Variants in ZDHHC19 observed in about 807,000 individuals in gnomAD.
ZDHHC19 encodes the protein palmitoyltransferase ZDHHC19.
A neutral mutation model predicts 33.9 loss-of-function variants in ZDHHC19; 30 were observed. That is an observed-to-expected ratio of 0.88 (90% confidence interval 0.66 to 1.20). The LOEUF is 1.20. Among genes scored for constraint, ZDHHC19 ranks in the 50% most tolerant of loss-of-function variants. The pLI, the probability that ZDHHC19 is intolerant of heterozygous loss-of-function variation, is 0.00. For synonymous variants in ZDHHC19, 178 were observed against 167.6 expected, an observed-to-expected ratio of 1.06 and a Z score of -0.48; for missense variants, 364 against 401.1, an observed-to-expected ratio of 0.91 and a Z score of 0.79.
rs764460911 is a variant in ZDHHC19, at chr3:196,211,169, C to T, written c.146+1G>A. ...CCTAACGGCTTGCCTGGAAAACTCA[C>T]GGGAATGCGAAGAAGAGGCCACTGA... On this transcript the variant is annotated splice_donor_variant, in intron 1 of 7. Transcript: ENST00000296326. LOFTEE classifies it high-confidence loss of function. The T allele has an allele frequency of 2.2e-5, 35 of 1,614,024 alleles. No homozygotes were observed. The highest frequency in any genetic ancestry group is 3.3e-5 in the Admixed American group (2 of 59,998).
chr3:196,204,110 A>G (rs996025875), intron 5 of ZDHHC19, among the ~76,000 whole-genome samples: 4 of 152,128 alleles, frequency 2.6e-5, no homozygotes, highest in African/African-American at 9.7e-5. Context: ...AAGAAGTGAA[A>G]CTGTCCTTTT....
intron 4 of ZDHHC19, 88 bp downstream of exon 4, chr3:196,208,300 T>A: frequency 2.6e-6 from 3 of 1,172,932 alleles, no homozygotes; most frequent in Non-Finnish European, 2.2e-6. Context: ...GGCTTCTCCC[T>A]CTAGCCCCGC....
chr3:196,209,211 G>C, intron 3 of ZDHHC19, 165 bp downstream of exon 3: 1 of 951,160 alleles, frequency 1.1e-6, no homozygotes, highest in Non-Finnish European at 1.5e-6. Flanking sequence ...AGGTGCAGGT[G>C]GAGAACACAT....
At chr3:196,210,213 G>A (rs1368299164) in intron 2 of ZDHHC19, among the ~76,000 whole-genome samples, 1 of 138,214 alleles carries the variant, frequency 7.2e-6, no homozygotes, top group Non-Finnish European at 1.6e-5. Context: ...AGGAAAGAGA[G>A]AAAGAAAGAA....
At chr3:196,208,732 C>G (rs963703468) in intron 3 of ZDHHC19, 172 bp from the exon 4 acceptor site, 1 of 712,164 alleles carries the variant, frequency 1.4e-6, no homozygotes, top group Non-Finnish European at 2.3e-6. Context: ...GCTGGCATTT[C>G]CCTTGTTAGA....
chr3:196,210,285 AGAAG>A (rs10690372), intron 2 of ZDHHC19, among the ~76,000 whole-genome samples: 14 of 139,678 alleles, frequency 1.0e-4, no homozygotes, highest in Middle Eastern at 3.6e-3. Context: ...AAAGAAAGAA[AGAAG>A]GAAGGAAGGA....
At chr3:196,206,634 T>A (rs1450313785) in intron 5 of ZDHHC19, among the ~76,000 whole-genome samples, 2 of 151,438 alleles carry the variant, frequency 1.3e-5, no homozygotes, top group Non-Finnish European at 2.9e-5. Flanking sequence ...ATTACAGGCA[T>A]GAGCCACGGG....
chr3:196,203,827 G>A lies in ZDHHC19; in HGVS notation c.687+3571C>T, dbSNP rs114267153. Reference sequence around the variant, plus strand: ...GGCGGAGCTGGGGAGTCACAGGTGGGGGAGCCAAATATGGGTGTGGTGGAG... The same window carrying A: ...GGCGGAGCTGGGGAGTCACAGGTGGAGGAGCCAAATATGGGTGTGGTGGAG... On this transcript the variant is annotated intron_variant, in intron 5 of 7. Transcript: ENST00000296326. The surrounding 1 kb of genome is among the most constrained non-coding windows in gnomAD (Gnocchi z 4.3). Among the ~76,000 whole-genome samples, 1,646 of 152,306 alleles carry A rather than the reference G, an allele frequency of 0.011. 41 individuals carry two copies. The highest frequency in any genetic ancestry group is 0.037 in the African/African-American group (1,536 of 41,564).
At chr3:196,208,643 C>T in intron 3 of ZDHHC19, 83 bp from the exon 4 acceptor site, 1 of 1,506,588 alleles carries the variant, frequency 6.6e-7, no homozygotes, top group Non-Finnish European at 9.0e-7. Flanking sequence ...GGCCCTCCCC[C>T]TGCCTTCTAG....
rs191209609 is a variant in ZDHHC19 at position 196,198,205 on chromosome 3, C to A, written c.*19+71G>T. The A allele has an allele frequency of 5.4e-5, 73 of 1,361,524 alleles. 1 individual carries two copies. The highest frequency in any genetic ancestry group is 5.6e-4 in the Middle Eastern group (2 of 3,596). 84.3% of individuals were successfully genotyped at this position (1,361,524 alleles called of 1,614,324 possible). On this transcript the variant is annotated intron_variant, in intron 7 of 7. Coordinates refer to ENST00000296326, the MANE Select transcript of ZDHHC19 (RefSeq NM_001039617.2). ...CAGCCAAACCTCAGGGGCCTCCCCC[C>A]ACACCCTCACAACCTGCAGACACCC...
chr3:196,204,635 A>G (rs1722595134), intron 5 of ZDHHC19, among the ~76,000 whole-genome samples: 1 of 152,254 alleles, frequency 6.6e-6, no homozygotes, highest in Admixed American at 6.5e-5. Flanking sequence ...TTAGGAAAAT[A>G]CAAACTGAAG....
Position 196,200,597 on chromosome 3 carries a change from G to A in ZDHHC19, c.688-1723C>T, listed in dbSNP as rs1028514970. Among the ~76,000 whole-genome samples, 237 of 148,056 alleles carry A rather than the reference G, an allele frequency of 1.6e-3. 2 individuals carry two copies. Among genetic ancestry groups the A allele is most frequent in the African/African-American group, 3.9e-3 (156 of 39,856 alleles). On this transcript the variant is annotated intron_variant, in intron 5 of 7. Coordinates refer to ENST00000296326, the MANE Select transcript of ZDHHC19 (RefSeq NM_001039617.2). Reference sequence around the variant, plus strand: ...TCTCGATCTCCTGACCTCGTGATCCGCCCACCTTGGCCTCCCAAAGTGCTG... The same window carrying A: ...TCTCGATCTCCTGACCTCGTGATCCACCCACCTTGGCCTCCCAAAGTGCTG...
At chr3:196,204,802 T>C (rs1722605936) in intron 5 of ZDHHC19, among the ~76,000 whole-genome samples, 1 of 152,102 alleles carries the variant, frequency 6.6e-6, no homozygotes. Context: ...AATTTGGCAA[T>C]TTATTATGAA....
chr3:196,200,330 ATATATATATATATG>A lies in ZDHHC19; in HGVS notation c.688-1470_688-1457del, dbSNP rs546878761. Among the ~76,000 whole-genome samples the A allele has an allele frequency of 4.9e-4, 38 of 78,092 alleles. 1 individual carries two copies. The highest frequency in any genetic ancestry group is 1.5e-3 in the South Asian group (4 of 2,624). 51.2% of individuals were successfully genotyped at this position (78,092 alleles called of 152,430 possible). On this transcript the variant is annotated intron_variant, in intron 5 of 7. Coordinates refer to ENST00000296326, the MANE Select transcript of ZDHHC19 (RefSeq NM_001039617.2). Reference sequence around the variant, plus strand: ...TGACAGAATTTTAAAATTTAGGGATATATATATATATATGTATATATATATATAATTTTTTTTTT... The same window carrying A: ...TGACAGAATTTTAAAATTTAGGGATATATATATATATATAATTTTTTTTTT...
chr3:196,207,270 G>A, intron 5 of ZDHHC19, 128 bp downstream of exon 5: 1 of 766,930 alleles, frequency 1.3e-6, no homozygotes, highest in South Asian at 1.7e-5. Flanking sequence ...TAAGAGCTGG[G>A]TCTGGAGGGA....
rs371578261 is a variant in ZDHHC19, at chr3:196,198,878, G to C, written c.688-4C>G. On this transcript the variant is annotated splice_polypyrimidine_tract_variant and splice_region_variant and intron_variant, in intron 5 of 7. Transcript: ENST00000296326. ...TGTATCCCTGAAGGTGTCTGCACTGGTCGGGGATGGAAACCGGAAGAGGAG... is the reference window on the plus strand; with the variant it reads ...TGTATCCCTGAAGGTGTCTGCACTGCTCGGGGATGGAAACCGGAAGAGGAG... 51 of 1,613,558 alleles carry C rather than the reference G, an allele frequency of 3.2e-5. No homozygotes were observed. The highest frequency in any genetic ancestry group is 1.7e-4 in the Admixed American group (10 of 59,990).
chr3:196,198,822 C>T lies in ZDHHC19; in HGVS notation c.740G>A (p.Trp247Ter). The T allele has an allele frequency of 6.2e-7, 1 of 1,614,066 alleles. No homozygotes were observed. The highest frequency in any genetic ancestry group is 8.5e-7 in the Non-Finnish European group (1 of 1,179,974). The part of the protein sequence containing the change: ...NPFDQGCASN[W>*]YLTICAPLGP... ...CAGTGGTGCACAAATTGTTAAATACCAGTTGCTGGCACAGCCCTGGTCGAA... is the reference window on the plus strand; with the variant it reads ...CAGTGGTGCACAAATTGTTAAATACTAGTTGCTGGCACAGCCCTGGTCGAA... Residue 247 changes from tryptophan to a stop codon, truncating the protein, a stop_gained, in exon 6 of 8, where the codon TGG (tryptophan) becomes TAG (stop). Transcript: ENST00000296326. LOFTEE classifies it high-confidence loss of function.
intron 2 of ZDHHC19, among the ~76,000 whole-genome samples, chr3:196,210,348 GAA>G (rs1171519262): frequency 2.3e-5 from 3 of 131,190 alleles, no homozygotes; most frequent in Non-Finnish European, 5.0e-5. Flanking sequence ...AAAGAAAAGA[GAA>G]AGAAAGAAAG....
chr3:196,211,109 ATCT>A (rs1723268606), intron 1 of ZDHHC19, 58 bp downstream of exon 1: 8 of 1,612,730 alleles, frequency 5.0e-6, no homozygotes, highest in East Asian at 2.2e-5. Context: ...CCATCCTATC[ATCT>A]TCTGTTTCCC....
Sources: allele counts gnomAD v4.1 joint callset (sites outside exome capture counted in the v4.1 genomes callset), GRCh38; gene constraint gnomAD v4.1.1; non-coding constraint Gnocchi (gnomAD v3.1); transcripts MANE v1.5; gene names NCBI Gene and HGNC (gene_info 2026-07-23, HGNC 2026-07-21).